DHRSX: variants seen among roughly 807,000 people sequenced by gnomAD.
DHRSX encodes polyprenol dehydrogenase.
Under a neutral mutation model 34.0 loss-of-function variants are expected in DHRSX, and 31 were observed. The observed-to-expected ratio is 0.91, with a 90% CI of 0.69 to 1.23. The LOEUF (loss-of-function observed/expected upper bound fraction) is 1.23. DHRSX is among the 50% of genes most tolerant of loss of function. The probability of loss-of-function intolerance (pLI) is 0.00; values close to 1 mark genes in which losing one functional copy is unlikely to be tolerated. For missense variants in DHRSX, 414 were observed against 428.1 expected (o/e 0.97, Z 0.29); for synonymous variants, 201 against 183.8 (o/e 1.09, Z -0.76).
chrX:2,476,343 A>G (rs1286228723), intron 1 of DHRSX, among the ~76,000 whole-genome samples: 1 of 151,772 alleles, frequency 6.6e-6, no homozygotes, highest in Non-Finnish European at 1.5e-5. Flanking sequence ...GGCTGCAGTG[A>G]GCCAAGATTG....
chrX:2,495,021 C>G (rs190731215), intron 1 of DHRSX, among the ~76,000 whole-genome samples: 1 of 151,390 alleles, frequency 6.6e-6, no homozygotes, highest in Admixed American at 6.6e-5. Context: ...GTCACAGTAC[C>G]CTGAACAAAG....
At chrX:2,474,817 T>C (rs2044650882) in intron 1 of DHRSX, among the ~76,000 whole-genome samples, 1 of 151,458 alleles carries the variant, frequency 6.6e-6, no homozygotes, top group South Asian at 2.1e-4. Flanking sequence ...ATATACACAC[T>C]GAAGACGTTC....
At chrX:2,303,739 G>A (rs2042043923) in intron 3 of DHRSX, among the ~76,000 whole-genome samples, 1 of 150,026 alleles carries the variant, frequency 6.7e-6, no homozygotes, top group African/African-American at 2.5e-5. Context: ...TGGATAGGTG[G>A]ATGGATGGAT....
rs2043861981 is a variant in DHRSX at position 2,427,242 on chromosome X, G to A, written c.110-1938C>T. ...TGGGATATTCCAGGAAGAGGAAGGCGGCTGGCTGGCTAGCTGGAGCCAAGC... is the reference window on the plus strand; with the variant it reads ...TGGGATATTCCAGGAAGAGGAAGGCAGCTGGCTGGCTAGCTGGAGCCAAGC... On this transcript the variant is annotated intron_variant, in intron 1 of 6. Transcript: ENST00000334651. Among the ~76,000 whole-genome samples, 8 of 152,300 alleles carry A rather than the reference G, an allele frequency of 5.3e-5. No individual in the cohort carries two copies. The South Asian group carries it at 1.7e-3, about 32-fold the overall frequency.
chrX:2,427,387 C>A (rs1408626402), intron 1 of DHRSX, among the ~76,000 whole-genome samples: 3 of 152,166 alleles, frequency 2.0e-5, no homozygotes, highest in Admixed American at 1.3e-4. Flanking sequence ...ATATGTTTCA[C>A]AGGAAGGAAT....
intron 1 of DHRSX, chrX:2,488,797 C>T: frequency 1.2e-6 from 2 of 1,613,916 alleles, no homozygotes; most frequent in Non-Finnish European, 1.7e-6. Context: ...CCTGCTCGTC[C>T]ACGTGCGCGG....
chrX:2,397,532 C>T (rs755613405), intron 3 of DHRSX, among the ~76,000 whole-genome samples: 2 of 151,108 alleles, frequency 1.3e-5, no homozygotes, highest in South Asian at 4.2e-4. Flanking sequence ...GCAATGAGAA[C>T]ACTCGCCTTG....
chrX:2,389,529 T>C (rs1001014373), intron 3 of DHRSX, among the ~76,000 whole-genome samples: 1 of 152,190 alleles, frequency 6.6e-6, no homozygotes, highest in African/African-American at 2.4e-5. Context: ...GGCTGTGTGC[T>C]TGGCGTGCTG....
chrX:2,432,537 A>G (rs1216646750), intron 1 of DHRSX, among the ~76,000 whole-genome samples: 2 of 152,166 alleles, frequency 1.3e-5, no homozygotes, highest in South Asian at 2.1e-4. Flanking sequence ...AACAGGGTAC[A>G]ATTTCCAAAA....
At chrX:2,297,876 C>T (rs1172003787) in intron 3 of DHRSX, among the ~76,000 whole-genome samples, 1 of 151,902 alleles carries the variant, frequency 6.6e-6, no homozygotes, top group Non-Finnish European at 1.5e-5. Context: ...CTTCCTCAGT[C>T]TCCCAAGTAG....
chrX:2,353,969 A>C (rs975906130), intron 3 of DHRSX, among the ~76,000 whole-genome samples: 71 of 152,292 alleles, frequency 4.7e-4, no homozygotes, highest in South Asian at 3.7e-3. Context: ...AGGAGAGCCC[A>C]GGAAGAAGGC....
At chrX:2,345,756 A>G (rs1462959330) in intron 3 of DHRSX, among the ~76,000 whole-genome samples, 6 of 152,110 alleles carry the variant, frequency 3.9e-5, no homozygotes, top group Non-Finnish European at 8.8e-5. Context: ...AGGTCTGACT[A>G]GAACAGAAGA....
chrX:2,417,949 C>A (rs1360377312), intron 2 of DHRSX, among the ~76,000 whole-genome samples: 3 of 151,772 alleles, frequency 2.0e-5, no homozygotes, highest in Non-Finnish European at 4.4e-5. Flanking sequence ...TACAACCAAA[C>A]CTCATCATGA....
At chrX:2,412,374 G>A (rs1336709997) in intron 2 of DHRSX, among the ~76,000 whole-genome samples, 2 of 152,110 alleles carry the variant, frequency 1.3e-5, no homozygotes, top group African/African-American at 4.8e-5. Flanking sequence ...ATGAGCCACT[G>A]CACCCGGCCT....
At chrX:2,263,364 T>C (rs1212333827) in intron 5 of DHRSX, among the ~76,000 whole-genome samples, 3 of 152,104 alleles carry the variant, frequency 2.0e-5, no homozygotes, top group Non-Finnish European at 2.9e-5. Flanking sequence ...CACTGCTTGA[T>C]GACACAGTGA....
intron 6 of DHRSX, among the ~76,000 whole-genome samples, chrX:2,228,309 GAGGA>G (rs1395629758): frequency 2.7e-4 from 1 of 3,764 alleles, no homozygotes; most frequent in Non-Finnish European, 4.3e-4. Context: ...GGGAGGGAGG[GAGGA>G]AGGGAGGGAG....
At chrX:2,330,366 C>T (rs2042450360) in intron 3 of DHRSX, among the ~76,000 whole-genome samples, 1 of 151,302 alleles carries the variant, frequency 6.6e-6, no homozygotes, top group South Asian at 2.1e-4. Flanking sequence ...ACTAAAAATA[C>T]AAAAATTAGC....
intron 3 of DHRSX, among the ~76,000 whole-genome samples, chrX:2,314,221 GGAAGGA>G (rs2124521696): frequency 6.2e-5 from 1 of 16,184 alleles, no homozygotes; most frequent in African/African-American, 4.5e-4. Context: ...AGGGAAGGAG[GGAAGGA>G]AGGGAGGGAG....
chrX:2,331,017 G>A (rs1475940888), intron 3 of DHRSX, among the ~76,000 whole-genome samples: 2 of 152,172 alleles, frequency 1.3e-5, no homozygotes, highest in Non-Finnish European at 2.9e-5. Flanking sequence ...AGGGAGAACA[G>A]GCTCTGGAGA....
Sources: allele counts gnomAD v4.1 joint callset (sites outside exome capture counted in the v4.1 genomes callset), GRCh38; gene constraint gnomAD v4.1.1; transcripts MANE v1.5; gene names NCBI Gene and HGNC (gene_info 2026-07-23, HGNC 2026-07-21).